The following ADGRL3 variants were observed in gnomAD, a reference collection of about 807,000 sequenced individuals.
ADGRL3 encodes the protein calcium-independent alpha-latrotoxin receptor 3.
Under a neutral mutation model 153.5 loss-of-function variants are expected in ADGRL3, and 62 were observed. That is an observed-to-expected ratio of 0.40 (90% CI 0.33 to 0.50). ADGRL3 has a LOEUF of 0.50. Ranked by LOEUF, ADGRL3 falls within the 20% of genes least tolerant of loss-of-function variation. ADGRL3 has a pLI of 0.47. For synonymous variants in ADGRL3, 710 were observed against 672.5 expected (o/e 1.06, Z -0.86); for missense variants, 1,641 against 1,859.4 (o/e 0.88, Z 2.16).
chr4:61,847,000 A>ATG (rs1404041827), intron 9 of ADGRL3, among the ~76,000 whole-genome samples: 3 of 149,430 alleles, frequency 2.0e-5, no homozygotes, highest in Admixed American at 6.7e-5. Flanking sequence ...ATATATATAT[A>ATG]TTAGAGGGGC....
In ADGRL3 at chr4:62,051,172, A is replaced by G. The variant is rs1214976168; in HGVS notation, c.3814+6623A>G. 2.4e-3 allele frequency among the ~76,000 whole-genome samples: 282 copies of G among 118,214 alleles called. 4 individuals carry two copies. In the South Asian group the frequency reaches 0.027, roughly 11 times the overall value. 77.6% of individuals were successfully genotyped at this position (118,214 alleles called of 152,430 possible). A position where few individuals can be genotyped will look rare whatever the true frequency, so the allele number is the denominator to read the frequency against. On this transcript the variant is annotated intron_variant, in intron 25 of 26. Coordinates refer to ENST00000683033, the MANE Select transcript of ADGRL3 (RefSeq NM_001387552.1). The stretch of plus-strand genomic sequence containing the variant: ...ACAAAGAACGTGTGTGTGTGTGTAT[A>G]TATATATATATATATATACATACAT...
chr4:61,209,675 C>T (rs1231165248), intron 1 of ADGRL3, among the ~76,000 whole-genome samples: 1 of 152,116 alleles, frequency 6.6e-6, no homozygotes, highest in African/African-American at 2.4e-5. Flanking sequence ...ATGTTATGCT[C>T]TGCTACTAAT....
At chr4:61,785,246 C>T (rs2097263529) in intron 8 of ADGRL3, among the ~76,000 whole-genome samples, 1 of 152,092 alleles carries the variant, frequency 6.6e-6, no homozygotes, top group Non-Finnish European at 1.5e-5. Context: ...ATCAAGTAGC[C>T]AGAAATCACT....
intron 2 of ADGRL3, among the ~76,000 whole-genome samples, chr4:61,457,820 G>A (rs2097770078): frequency 6.6e-6 from 1 of 151,314 alleles, no homozygotes; most frequent in African/African-American, 2.4e-5. Flanking sequence ...ATTCCCGAAG[G>A]CCTTGTGTTT....
intron 19 of ADGRL3, among the ~76,000 whole-genome samples, chr4:61,991,017 T>G (rs2099101957): frequency 6.6e-6 from 1 of 151,674 alleles, no homozygotes; most frequent in South Asian, 2.1e-4. Flanking sequence ...AGTGTATATA[T>G]GTATACAACG....
intron 5 of ADGRL3, among the ~76,000 whole-genome samples, chr4:61,619,650 G>A (rs1006437762): frequency 6.6e-6 from 1 of 152,008 alleles, no homozygotes; most frequent in African/African-American, 2.4e-5. Flanking sequence ...CCTGGTGTTC[G>A]AAGTACTTCT....
At position 61,705,903 on chromosome 4, in the gene ADGRL3, C is replaced by T. The variant is rs140872452; in HGVS notation, c.584-24719C>T. On this transcript the variant is annotated intron_variant, in intron 6 of 26. Coordinates refer to ENST00000683033, the MANE Select transcript of ADGRL3 (RefSeq NM_001387552.1). ...TGCTGTAAACAGATGTGCTGTTATT[C>T]GGGCTTTGATATTCCATTTATAAAG... Among the ~76,000 whole-genome samples, 8 of 152,186 alleles carry T rather than the reference C, an allele frequency of 5.3e-5. No individual in the cohort carries two copies. In the East Asian group the frequency reaches 1.4e-3, roughly 26 times the overall value.
intron 9 of ADGRL3, among the ~76,000 whole-genome samples, chr4:61,892,056 T>C (rs2098591675): frequency 6.6e-6 from 1 of 152,188 alleles, no homozygotes; most frequent in Non-Finnish European, 1.5e-5. Flanking sequence ...TTGAAAATTG[T>C]GTGAAGGTGA....
intron 9 of ADGRL3, among the ~76,000 whole-genome samples, chr4:61,835,064 C>T (rs899053640): frequency 6.6e-6 from 1 of 152,140 alleles, no homozygotes; most frequent in Non-Finnish European, 1.5e-5. Flanking sequence ...ACTTATTATA[C>T]ACCAAGGGTA....
chr4:61,203,047 T>G (rs949761699), intron 1 of ADGRL3, among the ~76,000 whole-genome samples: 1 of 152,128 alleles, frequency 6.6e-6, no homozygotes, highest in African/African-American at 2.4e-5. Context: ...CTCGGCGACA[T>G]GCGTGCGGCG....
chr4:61,858,847 A>ATTTC, intron 9 of ADGRL3, among the ~76,000 whole-genome samples: 1 of 152,136 alleles, frequency 6.6e-6, no homozygotes, highest in South Asian at 2.1e-4. Flanking sequence ...GGACTTAGAA[A>ATTTC]TGGGAGTTTT....
chr4:61,886,926 C>T (rs1211487107), intron 9 of ADGRL3, among the ~76,000 whole-genome samples: 1 of 151,996 alleles, frequency 6.6e-6, no homozygotes, highest in Non-Finnish European at 1.5e-5. Flanking sequence ...GGAGTACAGG[C>T]GTGAACCACT....
At chr4:61,759,040 G>A (rs1438611616) in intron 8 of ADGRL3, among the ~76,000 whole-genome samples, 9 of 152,108 alleles carry the variant, frequency 5.9e-5, no homozygotes, top group South Asian at 2.1e-4. Context: ...AGTTTCTGCC[G>A]AGAGATCAGC....
At chr4:61,285,999 ATAAAATTAAT>A (rs2093926757) in intron 1 of ADGRL3, among the ~76,000 whole-genome samples, 2 of 151,774 alleles carry the variant, frequency 1.3e-5, no homozygotes, top group East Asian at 3.9e-4. Context: ...TTATTCTGCT[ATAAAATTAAT>A]CCTTTTTGTG....
chr4:61,504,517 AC>A (rs1377880151), intron 3 of ADGRL3, among the ~76,000 whole-genome samples: 1 of 151,854 alleles, frequency 6.6e-6, no homozygotes, highest in Non-Finnish European at 1.5e-5. Context: ...TTACAATTCT[AC>A]TCTTTTAGTT....
At chr4:61,260,612 A>T (rs1178632197) in intron 1 of ADGRL3, among the ~76,000 whole-genome samples, 1 of 152,248 alleles carries the variant, frequency 6.6e-6, no homozygotes, top group Admixed American at 6.5e-5. Context: ...TGCCTAGCAG[A>T]ATGCATGGCA....
chr4:61,745,552 A>G (rs1447276270), intron 8 of ADGRL3, among the ~76,000 whole-genome samples: 2 of 152,224 alleles, frequency 1.3e-5, no homozygotes, highest in Non-Finnish European at 2.9e-5. Flanking sequence ...GGGGGCCAAT[A>G]TTCAACATTC....
intron 4 of ADGRL3, among the ~76,000 whole-genome samples, chr4:61,540,149 C>A (rs575255923): frequency 6.6e-6 from 1 of 152,188 alleles, no homozygotes; most frequent in Admixed American, 6.6e-5. Context: ...TTAAATAACT[C>A]GTCCAAAGTC....
chr4:61,369,739 C>T (rs1298244353), intron 1 of ADGRL3, among the ~76,000 whole-genome samples: 1 of 152,114 alleles, frequency 6.6e-6, no homozygotes, highest in Admixed American at 6.5e-5. Flanking sequence ...TGATGCTGGC[C>T]TCATAAAATG....
Sources: gnomAD v4.1 joint callset for allele counts (sites outside exome capture counted in the v4.1 genomes callset) on GRCh38, gnomAD v4.1.1 for gene constraint, MANE v1.5 for transcripts, NCBI Gene and HGNC (gene_info 2026-07-23, HGNC 2026-07-21) for gene names.